Variants in NFIB observed in about 807,000 individuals in gnomAD.
The protein encoded by NFIB is nuclear factor 1 B-type.
Under a neutral mutation model 61.5 loss-of-function variants are expected in NFIB, and 11 were observed. The ratio of observed to expected loss-of-function variants is 0.18; its 90% CI spans 0.11 to 0.30. The LOEUF is 0.30. Among genes scored for constraint, NFIB ranks in the 10% least tolerant of loss-of-function variants. NFIB has a pLI of 1.00. For synonymous variants in NFIB, 260 were observed against 216.5 expected (o/e 1.20, Z -1.76); for missense variants, 471 against 608.9 (o/e 0.77, Z 2.38).
intron 1 of NFIB, among the ~76,000 whole-genome samples, chr9:14,377,130 G>A (rs1037123174): frequency 2.0e-5 from 3 of 152,216 alleles, no homozygotes; most frequent in Non-Finnish European, 4.4e-5. Flanking sequence ...GCATGCTTAA[G>A]TATACACAAG....
At chr9:14,100,083 C>CA (rs1464631095) in intron 10 of NFIB, among the ~76,000 whole-genome samples, 4 of 151,512 alleles carry the variant, frequency 2.6e-5, no homozygotes, top group South Asian at 2.1e-4. Context: ...AAATAAAAAA[C>CA]AAAAAAACAA....
At chr9:14,281,899 A>G (rs2058396399) in intron 2 of NFIB, among the ~76,000 whole-genome samples, 1 of 152,166 alleles carries the variant, frequency 6.6e-6, no homozygotes, top group Admixed American at 6.5e-5. Flanking sequence ...ACTAAATCCC[A>G]TATTTATAAA....
chr9:14,391,555 G>C (rs539779211), intron 1 of NFIB, among the ~76,000 whole-genome samples: 9 of 151,566 alleles, frequency 5.9e-5, no homozygotes, highest in African/African-American at 1.7e-4. Context: ...TGCACTAAGA[G>C]GATTTAAATG....
At chr9:14,312,089 G>C (rs898250291) in intron 1 of NFIB, among the ~76,000 whole-genome samples, 2 of 152,082 alleles carry the variant, frequency 1.3e-5, no homozygotes, top group African/African-American at 4.8e-5. Flanking sequence ...GCTGAAAATA[G>C]CCATATCTAA....
intron 1 of NFIB, among the ~76,000 whole-genome samples, chr9:14,340,900 G>A (rs950304319): frequency 5.3e-5 from 8 of 152,068 alleles, no homozygotes; most frequent in African/African-American, 9.7e-5. Flanking sequence ...AAAGAACAGA[G>A]GACTGACCAG....
At chr9:14,425,736 T>C in the NFIB span, among the ~76,000 whole-genome samples, 2 of 151,854 alleles carry the variant, frequency 1.3e-5, no homozygotes, top group African/African-American at 2.4e-5. Flanking sequence ...ACTGTGATTA[T>C]TGATTGATTG....
chr9:14,141,341 G>A (rs1586971870), intron 6 of NFIB, among the ~76,000 whole-genome samples: 1 of 152,132 alleles, frequency 6.6e-6, no homozygotes, highest in Admixed American at 6.6e-5. Flanking sequence ...TATAGCTTGA[G>A]AGTCCAGTTT....
intron 1 of NFIB, among the ~76,000 whole-genome samples, chr9:14,355,204 G>A (rs572061396): frequency 5.6e-4 from 85 of 152,264 alleles, no homozygotes; most frequent in Non-Finnish European, 9.8e-4. Flanking sequence ...CTTTAAGGGG[G>A]TACTTAAGTT....
chr9:14,375,237 A>G (rs2061404330), intron 1 of NFIB, among the ~76,000 whole-genome samples: 1 of 152,176 alleles, frequency 6.6e-6, no homozygotes, highest in Non-Finnish European at 1.5e-5. Context: ...CTGCTCTTCC[A>G]GTCTTAGGCC....
the NFIB span, among the ~76,000 whole-genome samples, chr9:14,523,683 A>G: frequency 6.6e-6 from 1 of 152,110 alleles, no homozygotes; most frequent in Admixed American, 6.6e-5. Flanking sequence ...CCCCAAATAC[A>G]TTAACCTTTT....
At chr9:14,206,002 A>T (rs1366867686) in intron 2 of NFIB, among the ~76,000 whole-genome samples, 1 of 152,178 alleles carries the variant, frequency 6.6e-6, no homozygotes, top group East Asian at 1.9e-4. Flanking sequence ...AGCATTATTA[A>T]TTATGTTTCT....
the NFIB span, among the ~76,000 whole-genome samples, chr9:14,445,268 T>C: frequency 2.6e-5 from 4 of 152,156 alleles, no homozygotes; most frequent in Non-Finnish European, 1.5e-5. Flanking sequence ...TCATTGCAAA[T>C]AGTGATAATT....
intron 1 of NFIB, among the ~76,000 whole-genome samples, chr9:14,322,961 G>A (rs986450484): frequency 2.0e-5 from 3 of 152,224 alleles, no homozygotes; most frequent in Non-Finnish European, 4.4e-5. Flanking sequence ...GCCTTCTGGA[G>A]CAGGAACCCG....
intron 1 of NFIB, among the ~76,000 whole-genome samples, chr9:14,354,700 G>A (rs999836854): frequency 6.6e-6 from 1 of 152,070 alleles, no homozygotes; most frequent in African/African-American, 2.4e-5. Flanking sequence ...TAGTTTCTGA[G>A]GTGAGCAGTC....
At chr9:14,088,710 C>A (rs2033291163) in intron 10 of NFIB, among the ~76,000 whole-genome samples, 1 of 152,096 alleles carries the variant, frequency 6.6e-6, no homozygotes, top group Admixed American at 6.6e-5. Flanking sequence ...TACCAATATA[C>A]TTTGCCAGTT....
chr9:14,274,673 TG>T (rs2077212369), intron 2 of NFIB, among the ~76,000 whole-genome samples: 1 of 152,198 alleles, frequency 6.6e-6, no homozygotes, highest in Non-Finnish European at 1.5e-5. Context: ...CCAGCATTCC[TG>T]GGATCACATT....
At chr9:14,256,854 C>G (rs1202278008) in intron 2 of NFIB, among the ~76,000 whole-genome samples, 2 of 152,172 alleles carry the variant, frequency 1.3e-5, no homozygotes, top group African/African-American at 4.8e-5. Context: ...CTTCCTGACT[C>G]CTGCCTTTGA....
chr9:14,450,928 T>A, the NFIB span, among the ~76,000 whole-genome samples: 5 of 152,256 alleles, frequency 3.3e-5, no homozygotes, highest in Admixed American at 1.3e-4. Context: ...TTGTCTGTCA[T>A]GCTTTGAATA....
At chr9:14,445,574 T>G in the NFIB span, among the ~76,000 whole-genome samples, 1 of 152,210 alleles carries the variant, frequency 6.6e-6, no homozygotes, top group African/African-American at 2.4e-5. Context: ...AGATGATCAT[T>G]CAACTTTTCT....
Sources: gnomAD v4.1 joint callset for allele counts (sites outside exome capture counted in the v4.1 genomes callset) on GRCh38, gnomAD v4.1.1 for gene constraint, MANE v1.5 for transcripts, NCBI Gene and HGNC (gene_info 2026-07-23, HGNC 2026-07-21) for gene names.